The following ARHGAP28 variants were observed in gnomAD, a reference collection of about 807,000 sequenced individuals.
ARHGAP28 encodes the protein rho GTPase-activating protein 28.
ARHGAP28 carries 56 observed loss-of-function variants against 90.7 expected under a neutral mutation model. The ratio of observed to expected loss-of-function variants is 0.62; its 90% CI spans 0.50 to 0.77. The LOEUF is 0.77. Among genes scored for constraint, ARHGAP28 ranks in the 30% least tolerant of loss-of-function variants. The pLI is 0.00. For missense variants in ARHGAP28, 869 were observed against 900.9 expected (o/e 0.96, Z 0.45); for synonymous variants, 308 against 323.3 (o/e 0.95, Z 0.51).
chr18:6,794,300 TG>T (rs1357103657), intron 1 of ARHGAP28, among the ~76,000 whole-genome samples: 1 of 152,242 alleles, frequency 6.6e-6, no homozygotes, highest in African/African-American at 2.4e-5. Flanking sequence ...TAAATTGTAG[TG>T]GCTTTGATTT....
chr18:6,900,465 C>CT (rs1481315860), intron 16 of ARHGAP28, among the ~76,000 whole-genome samples: 16 of 152,240 alleles, frequency 1.1e-4, no homozygotes, highest in African/African-American at 3.9e-4. Context: ...AATAGATGTT[C>CT]TTTAAAAATA....
chr18:6,757,486 T>C (rs979586508), intron 1 of ARHGAP28, among the ~76,000 whole-genome samples: 1 of 152,178 alleles, frequency 6.6e-6, no homozygotes, highest in Non-Finnish European at 1.5e-5. Flanking sequence ...ATACCGACGA[T>C]TAATACAAAG....
intron 1 of ARHGAP28, among the ~76,000 whole-genome samples, chr18:6,745,999 G>A (rs1279211970): frequency 1.3e-5 from 2 of 152,158 alleles, no homozygotes; most frequent in African/African-American, 2.4e-5. Flanking sequence ...TTTCTCCATT[G>A]TAGACCCAGC....
At chr18:6,901,937 A>G (rs1175862192) in intron 16 of ARHGAP28, among the ~76,000 whole-genome samples, 1 of 152,194 alleles carries the variant, frequency 6.6e-6, no homozygotes, top group Non-Finnish European at 1.5e-5. Context: ...GGTGGTTGCC[A>G]GCAATCTTGG....
intron 6 of ARHGAP28, among the ~76,000 whole-genome samples, chr18:6,869,250 A>ATT (rs2057062449): frequency 2.9e-5 from 3 of 103,812 alleles, no homozygotes; most frequent in Non-Finnish European, 4.0e-5. Context: ...TCCTTTTGCC[A>ATT]TTCTTTTTTT....
intron 5 of ARHGAP28, among the ~76,000 whole-genome samples, chr18:6,864,156 C>T (rs968972921): frequency 1.2e-4 from 18 of 152,148 alleles, no homozygotes; most frequent in African/African-American, 4.3e-4. Flanking sequence ...ACCTCTGCCT[C>T]CCGGATTCAA....
At chr18:6,846,608 C>T (rs901940301) in intron 3 of ARHGAP28, among the ~76,000 whole-genome samples, 1 of 152,050 alleles carries the variant, frequency 6.6e-6, no homozygotes, top group African/African-American at 2.4e-5. Flanking sequence ...CCAGTCATAC[C>T]TTCCTTCCCA....
intron 5 of ARHGAP28, among the ~76,000 whole-genome samples, chr18:6,866,674 A>G (rs938406889): frequency 6.6e-6 from 1 of 152,234 alleles, no homozygotes; most frequent in Non-Finnish European, 1.5e-5. Context: ...AGCAGGGATT[A>G]TGACTCAAAT....
At chr18:6,860,222 C>T (rs186984759) in intron 5 of ARHGAP28, among the ~76,000 whole-genome samples, 37 of 152,280 alleles carry the variant, frequency 2.4e-4, no homozygotes, top group Admixed American at 6.5e-4. Flanking sequence ...GGTTTGATGA[C>T]GTGGCTTAAC....
At chr18:6,896,872 T>C in intron 16 of ARHGAP28, 1 of 353,306 alleles carries the variant, frequency 2.8e-6, no homozygotes, top group South Asian at 7.4e-5. Context: ...TCTATCTTCG[T>C]AGCTTCATTT....
intron 5 of ARHGAP28, among the ~76,000 whole-genome samples, chr18:6,861,199 A>G (rs1034528092): frequency 6.6e-6 from 1 of 152,138 alleles, no homozygotes. Context: ...CATGTGCCCA[A>G]CAGTCACCCC....
chr18:6,807,296 T>C (rs1224393165), intron 1 of ARHGAP28, among the ~76,000 whole-genome samples: 1 of 152,204 alleles, frequency 6.6e-6, no homozygotes, highest in East Asian at 1.9e-4. Context: ...CATTACAAGG[T>C]TCATTTGTAG....
chr18:6,752,533 A>G (rs940022086), intron 1 of ARHGAP28, among the ~76,000 whole-genome samples: 1 of 152,180 alleles, frequency 6.6e-6, no homozygotes, highest in Admixed American at 6.5e-5. Context: ...TCTAAATTTG[A>G]GATCATTTGT....
intron 1 of ARHGAP28, among the ~76,000 whole-genome samples, chr18:6,765,108 A>C (rs535128761): frequency 2.7e-4 from 41 of 152,276 alleles, no homozygotes; most frequent in African/African-American, 9.1e-4. Flanking sequence ...ATGTTGGTCC[A>C]TAGGTTTTTG....
intron 1 of ARHGAP28, among the ~76,000 whole-genome samples, chr18:6,771,979 C>T (rs2056246596): frequency 2.6e-5 from 4 of 152,098 alleles, no homozygotes; most frequent in South Asian, 4.2e-4. Flanking sequence ...ATGCATGTAA[C>T]AAAATATCAC....
In ARHGAP28 at chr18:6,915,104, G is replaced by A. The variant is rs1237507560; in HGVS notation, c.*2950G>A. 1 of 152,220 alleles carries A rather than the reference G, an allele frequency of 6.6e-6. No individual in the cohort carries two copies. The allele number at this position is 152,220 out of a possible 1,614,324, so 9.4% of individuals were successfully genotyped here. Reference sequence around the variant, plus strand: ...CATTTAATGATGAAAAATATTTTCAGCAAAGCTTTAAAACCAGAAATACTG... The same window carrying A: ...CATTTAATGATGAAAAATATTTTCAACAAAGCTTTAAAACCAGAAATACTG... On this transcript the variant is annotated 3_prime_UTR_variant, in exon 18 of 18. Coordinates refer to ENST00000383472, the MANE Select transcript of ARHGAP28 (RefSeq NM_001366230.1).
At chr18:6,857,707 GAC>G (rs1003433818) in intron 4 of ARHGAP28, among the ~76,000 whole-genome samples, 1 of 152,192 alleles carries the variant, frequency 6.6e-6, no homozygotes, top group African/African-American at 2.4e-5. Context: ...TTCACCTAAG[GAC>G]ACAGTGTGTG....
intron 3 of ARHGAP28, among the ~76,000 whole-genome samples, chr18:6,839,587 G>C (rs533848075): frequency 6.6e-6 from 1 of 152,098 alleles, no homozygotes; most frequent in Non-Finnish European, 1.5e-5. Context: ...GTGAGCCACT[G>C]CGCCCGGCCA....
chr18:6,750,478 G>A (rs1437590327), intron 1 of ARHGAP28, among the ~76,000 whole-genome samples: 2 of 152,170 alleles, frequency 1.3e-5, no homozygotes, highest in Non-Finnish European at 2.9e-5. Context: ...TGGAGATTGG[G>A]TCATATGTTA....
Sources: allele counts gnomAD v4.1 joint callset (sites outside exome capture counted in the v4.1 genomes callset), GRCh38; gene constraint gnomAD v4.1.1; transcripts MANE v1.5; gene names NCBI Gene and HGNC (gene_info 2026-07-23, HGNC 2026-07-21).